The following ZNF804A variants were observed in gnomAD, a reference collection of about 807,000 sequenced individuals.
ZNF804A encodes zinc finger protein 804A.
A neutral mutation model predicts 16.5 loss-of-function variants in ZNF804A; 2 were observed. That is an observed-to-expected ratio of 0.12 (90% CI 0.05 to 0.38). ZNF804A has a LOEUF of 0.38. ZNF804A is among the 10% of genes least tolerant of loss of function. The probability of loss-of-function intolerance (pLI) is 0.99; values close to 1 mark genes in which losing one functional copy is unlikely to be tolerated. For missense variants in ZNF804A, 1,473 were observed against 1,390.7 expected (o/e 1.06, Z -0.94); for synonymous variants, 534 against 489.6 (o/e 1.09, Z -1.20).
intron 1 of ZNF804A, among the ~76,000 whole-genome samples, chr2:184,746,686 C>A (rs1044559167): frequency 3.3e-5 from 5 of 151,216 alleles, no homozygotes; most frequent in Admixed American, 6.6e-5. Flanking sequence ...ACCATCCCCA[C>A]TTTCCCCCTC....
chr2:184,688,609 C>T (rs535681032), intron 1 of ZNF804A, among the ~76,000 whole-genome samples: 2 of 151,938 alleles, frequency 1.3e-5, no homozygotes, highest in African/African-American at 4.8e-5. Flanking sequence ...ACATGTCTCT[C>T]AATATACAAT....
At chr2:184,720,627 GA>G (rs1160315832) in intron 1 of ZNF804A, among the ~76,000 whole-genome samples, 1 of 152,042 alleles carries the variant, frequency 6.6e-6, no homozygotes, top group Non-Finnish European at 1.5e-5. Flanking sequence ...CAAATGGAAA[GA>G]TGTCTTATAA....
At position 184,694,124 on chromosome 2, in the gene ZNF804A, T is replaced by C. The variant is rs1482521339; in HGVS notation, c.111+95054T>C. Among the ~76,000 whole-genome samples, 6 of 151,626 alleles carry C rather than the reference T, an allele frequency of 4.0e-5. No homozygotes were observed. The East Asian group carries it at 9.7e-4, about 25-fold the overall frequency. On this transcript the variant is annotated intron_variant, in intron 1 of 3. Transcript: ENST00000302277. ...TATTTTTACTTTTTTTTTTTTTGTA[T>C]TTTTAGTAGCGATGGGGTTTTACCA...
chr2:184,670,241 T>A (rs1405106859), intron 1 of ZNF804A, among the ~76,000 whole-genome samples: 2 of 152,120 alleles, frequency 1.3e-5, no homozygotes, highest in Non-Finnish European at 2.9e-5. Flanking sequence ...ATCAGCCCAA[T>A]GTATTTAATT....
At chr2:184,896,822 T>C (rs1685076722) in intron 2 of ZNF804A, among the ~76,000 whole-genome samples, 1 of 140,968 alleles carries the variant, frequency 7.1e-6, no homozygotes. Context: ...TGGTATTTGC[T>C]GTGCATTTGG....
At chr2:184,805,727 A>G (rs1352707440) in intron 1 of ZNF804A, among the ~76,000 whole-genome samples, 1 of 152,054 alleles carries the variant, frequency 6.6e-6, no homozygotes, top group African/African-American at 2.4e-5. Flanking sequence ...TAGCAATTGA[A>G]CTAAGGAAAC....
intron 1 of ZNF804A, among the ~76,000 whole-genome samples, chr2:184,604,059 T>A (rs1249104786): frequency 1.3e-5 from 2 of 151,708 alleles, no homozygotes; most frequent in Non-Finnish European, 2.9e-5. Context: ...TTGAGTTATG[T>A]TAGATAGCTG....
Position 184,901,698 on chromosome 2 carries a change from T to G in ZNF804A, c.256-31905T>G, listed in dbSNP as rs140914018. Among the ~76,000 whole-genome samples, 519 of 152,258 alleles carry G rather than the reference T, an allele frequency of 3.4e-3. 1 individual carries two copies. The highest frequency in any genetic ancestry group is 0.012 in the African/African-American group (486 of 41,554). The stretch of plus-strand genomic sequence containing the variant: ...CATTGAATATTTTTGCTCTAAATAT[T>G]ATTGTAAATTCCAGAAAGCCATTCG... On this transcript the variant is annotated intron_variant, in intron 2 of 3. Coordinates refer to ENST00000302277, the MANE Select transcript of ZNF804A (RefSeq NM_194250.2).
At chr2:184,726,552 C>T (rs768217718) in intron 1 of ZNF804A, among the ~76,000 whole-genome samples, 27 of 150,938 alleles carry the variant, frequency 1.8e-4, no homozygotes, top group African/African-American at 5.3e-4. Flanking sequence ...GAATTTTGGA[C>T]GAGAGTTAAG....
At chr2:184,855,442 TCTC>T (rs1187663281) in intron 1 of ZNF804A, among the ~76,000 whole-genome samples, 3 of 152,018 alleles carry the variant, frequency 2.0e-5, no homozygotes, top group Admixed American at 1.3e-4. Flanking sequence ...AAATTTTTCT[TCTC>T]CTCCTCCAGC....
In ZNF804A at chr2:184,877,545, T is replaced by C. The variant is rs147926608; in HGVS notation, c.255+11033T>C. Among the ~76,000 whole-genome samples the C allele has an allele frequency of 6.2e-4, 95 of 152,198 alleles. 1 individual carries two copies. The East Asian group carries it at 0.018, about 28-fold the overall frequency. Reference sequence around the variant, plus strand: ...ATATTTAAAATTCTCCTGGCACCTATAGAAACTAAGATGCTAGGATTTTTT... The same window carrying C: ...ATATTTAAAATTCTCCTGGCACCTACAGAAACTAAGATGCTAGGATTTTTT... On this transcript the variant is annotated intron_variant, in intron 2 of 3. Coordinates refer to ENST00000302277, the MANE Select transcript of ZNF804A (RefSeq NM_194250.2).
At chr2:184,848,678 G>C (rs557488877) in intron 1 of ZNF804A, among the ~76,000 whole-genome samples, 1 of 152,010 alleles carries the variant, frequency 6.6e-6, no homozygotes, top group Non-Finnish European at 1.5e-5. Context: ...AAGACAATCA[G>C]GGTGGTTAAG....
intron 1 of ZNF804A, among the ~76,000 whole-genome samples, chr2:184,600,628 CTT>C (rs1273954304): frequency 6.6e-6 from 1 of 152,144 alleles, no homozygotes; most frequent in Non-Finnish European, 1.5e-5. Context: ...TAAAGGCAAA[CTT>C]AATGCACAAG....
Position 184,795,710 on chromosome 2 carries a change from A to G in ZNF804A, c.112-70659A>G, listed in dbSNP as rs141700045. ...CAAGAAAAGAAGAGAGAAAATCCAA[A>G]TAACCTCACTAAGAAATGAAACAGG... On this transcript the variant is annotated intron_variant, in intron 1 of 3. Transcript: ENST00000302277. Among the ~76,000 whole-genome samples the G allele has an allele frequency of 9.1e-3, 1,383 of 152,246 alleles. 22 individuals are homozygous for G. Among genetic ancestry groups the G allele is most frequent in the African/African-American group, 0.032 (1,321 of 41,564 alleles).
At chr2:184,653,613 A>G (rs958934166) in intron 1 of ZNF804A, among the ~76,000 whole-genome samples, 3 of 152,138 alleles carry the variant, frequency 2.0e-5, no homozygotes, top group African/African-American at 7.2e-5. Flanking sequence ...ATATTGGCAT[A>G]CTTCTGGAGA....
chr2:184,895,352 CTT>C (rs1028393041), intron 2 of ZNF804A, among the ~76,000 whole-genome samples: 70 of 152,202 alleles, frequency 4.6e-4, no homozygotes, highest in African/African-American at 1.6e-3. Flanking sequence ...AACTCAATAA[CTT>C]AAATATGAAT....
chr2:184,759,200 A>G (rs1029413598), intron 1 of ZNF804A, among the ~76,000 whole-genome samples: 2 of 151,396 alleles, frequency 1.3e-5, no homozygotes, highest in Admixed American at 6.6e-5. Flanking sequence ...AATTATTAAG[A>G]AAAATATTCA....
chr2:184,735,308 C>T (rs561478330), intron 1 of ZNF804A, among the ~76,000 whole-genome samples: 34 of 152,138 alleles, frequency 2.2e-4, no homozygotes, highest in Non-Finnish European at 4.0e-4. Context: ...TAATTATTTA[C>T]ATTATGTATC....
At chr2:184,926,416 T>C (rs1685613820) in intron 2 of ZNF804A, among the ~76,000 whole-genome samples, 1 of 152,092 alleles carries the variant, frequency 6.6e-6, no homozygotes, top group East Asian at 1.9e-4. Context: ...TCTTTCTTGC[T>C]GCTTTTAGGA....
Sources: gnomAD v4.1 joint callset for allele counts (sites outside exome capture counted in the v4.1 genomes callset) on GRCh38, gnomAD v4.1.1 for gene constraint, MANE v1.5 for transcripts, NCBI Gene and HGNC (gene_info 2026-07-23, HGNC 2026-07-21) for gene names.